Variants in RBFOX3 observed in about 807,000 individuals in gnomAD.
The protein encoded by RBFOX3 is RNA binding protein fox-1 homolog 3.
Under a neutral mutation model 48.7 loss-of-function variants are expected in RBFOX3, and 17 were observed. That is an observed-to-expected ratio of 0.35 (90% confidence interval 0.24 to 0.52). The LOEUF (loss-of-function observed/expected upper bound fraction) is 0.52, where lower values mean the gene tolerates loss of function less well. Ranked by LOEUF, RBFOX3 falls within the 20% of genes least tolerant of loss-of-function variation. RBFOX3 has a pLI of 0.94. For synonymous variants in RBFOX3, 212 were observed against 209.5 expected, an observed-to-expected ratio of 1.01 and a Z score of -0.10; for missense variants, 382 against 497.5, an observed-to-expected ratio of 0.77 and a Z score of 2.21.
At chr17:79,430,628 C>A (rs1309338712) in intron 2 of RBFOX3, among the ~76,000 whole-genome samples, 2 of 152,204 alleles carry the variant, frequency 1.3e-5, no homozygotes, top group African/African-American at 4.8e-5. Flanking sequence ...TCACTGCAAC[C>A]ACCGCCTCCG....
intron 6 of RBFOX3, among the ~76,000 whole-genome samples, chr17:79,105,271 GA>G (rs2077157107): frequency 6.6e-6 from 1 of 152,196 alleles, no homozygotes; most frequent in South Asian, 2.1e-4. Flanking sequence ...GCTGATGGGG[GA>G]CAGTGTCCCC....
At chr17:79,296,304 A>C (rs543836394) in intron 3 of RBFOX3, among the ~76,000 whole-genome samples, 17 of 120,176 alleles carry the variant, frequency 1.4e-4, no homozygotes, top group South Asian at 5.7e-4. Flanking sequence ...ACACACACAC[A>C]CCACACACAC....
intron 2 of RBFOX3, among the ~76,000 whole-genome samples, chr17:79,350,459 A>G (rs1393752989): frequency 6.6e-6 from 1 of 152,150 alleles, no homozygotes; most frequent in African/African-American, 2.4e-5. Context: ...ATTTCATTTC[A>G]TTTCATAGTT....
At chr17:79,428,324 G>A (rs368352430) in intron 2 of RBFOX3, among the ~76,000 whole-genome samples, 8 of 152,146 alleles carry the variant, frequency 5.3e-5, no homozygotes, top group Non-Finnish European at 8.8e-5. Flanking sequence ...GGGGCAGGAC[G>A]GTCTCCTGCA....
chr17:79,403,968 C>A (rs535600317), intron 2 of RBFOX3, among the ~76,000 whole-genome samples: 2 of 152,100 alleles, frequency 1.3e-5, no homozygotes, highest in African/African-American at 4.8e-5. Context: ...TTAGTAGAGA[C>A]GGGGTTTCAC....
chr17:79,503,897 G>T (rs1192136740), intron 1 of RBFOX3, among the ~76,000 whole-genome samples: 1 of 152,206 alleles, frequency 6.6e-6, no homozygotes, highest in Non-Finnish European at 1.5e-5. Context: ...GACCAGGACG[G>T]GGATGCAAAA....
intron 2 of RBFOX3, among the ~76,000 whole-genome samples, chr17:79,463,256 T>G (rs1183909602): frequency 1.6e-5 from 1 of 62,838 alleles, no homozygotes; most frequent in Non-Finnish European, 3.2e-5. Flanking sequence ...CACTGCCACC[T>G]CCACCATCGC....
chr17:79,208,812 CTCTT>C (rs2057916240), intron 4 of RBFOX3, among the ~76,000 whole-genome samples: 1 of 150,640 alleles, frequency 6.6e-6, no homozygotes, highest in African/African-American at 2.4e-5. Context: ...TGCTCTTTCT[CTCTT>C]TCTTTTTTTT....
chr17:79,285,898 G>C (rs1206235253), intron 3 of RBFOX3, among the ~76,000 whole-genome samples: 2 of 152,162 alleles, frequency 1.3e-5, no homozygotes, highest in Non-Finnish European at 2.9e-5. Context: ...GAGCAGGCTG[G>C]TCTTGAACTC....
At chr17:79,184,639 C>G (rs565916185) in intron 4 of RBFOX3, among the ~76,000 whole-genome samples, 2 of 152,366 alleles carry the variant, frequency 1.3e-5, no homozygotes, top group East Asian at 3.9e-4. Flanking sequence ...GAGCCAGTGG[C>G]TCATGCCTAA....
chr17:79,368,498 C>T (rs961253234), intron 2 of RBFOX3, among the ~76,000 whole-genome samples: 9 of 152,246 alleles, frequency 5.9e-5, no homozygotes, highest in African/African-American at 1.4e-4. Flanking sequence ...GGGAGTCAGT[C>T]GTGGGTTCCA....
chr17:79,579,222 C>T (rs1400460445), intron 1 of RBFOX3, among the ~76,000 whole-genome samples: 1 of 152,196 alleles, frequency 6.6e-6, no homozygotes, highest in Non-Finnish European at 1.5e-5. Flanking sequence ...CTCCCTGTCC[C>T]CTGCCCGAGG....
At chr17:79,314,604 G>C (rs765878041) in intron 2 of RBFOX3, among the ~76,000 whole-genome samples, 1 of 151,778 alleles carries the variant, frequency 6.6e-6, no homozygotes, top group African/African-American at 2.4e-5. Flanking sequence ...AAAGAAAATG[G>C]GGCAGGTTTC....
Position 79,214,087 on chromosome 17 carries a change from G to C in RBFOX3, c.-34+21679C>G, listed in dbSNP as rs947665191. ...CCCTCGCATGGCGCCGCCCAGCTCT[G>C]GTAGGAGGGACTGAAATAAATGGAG... On this transcript the variant is annotated intron_variant, in intron 4 of 14. Transcript: ENST00000693108. The surrounding 1 kb of genome is among the most constrained non-coding windows in gnomAD (Gnocchi z 4.7). Among the ~76,000 whole-genome samples, 1 of 152,136 alleles carries C rather than the reference G, an allele frequency of 6.6e-6. No homozygotes were observed. The highest frequency in any genetic ancestry group is 1.5e-5 in the Non-Finnish European group (1 of 68,036).
rs986173588 is a variant in RBFOX3 at position 79,499,858 on chromosome 17, A to G, written c.-319-17260T>C. Among the ~76,000 whole-genome samples, 20 of 152,298 alleles carry G rather than the reference A, an allele frequency of 1.3e-4. 1 individual carries two copies. In the South Asian group the frequency reaches 3.9e-3, roughly 30 times the overall value. ...TGGCCACCCTCCACACCAACAAAAG[A>G]GTATGCATTAATGGGGCTCTCTATT... On this transcript the variant is annotated intron_variant, in intron 1 of 14. Transcript: ENST00000693108.
intron 1 of RBFOX3, among the ~76,000 whole-genome samples, chr17:79,517,661 C>T (rs2085452705): frequency 1.3e-5 from 2 of 152,122 alleles, no homozygotes. Flanking sequence ...AAACCCCACC[C>T]AGCCCACCAC....
chr17:79,265,210 C>T (rs145501971), intron 3 of RBFOX3, among the ~76,000 whole-genome samples: 3 of 152,306 alleles, frequency 2.0e-5, no homozygotes, highest in Non-Finnish European at 4.4e-5. Flanking sequence ...TGGAGGAATG[C>T]TGGAAATGAA....
chr17:79,578,875 G>A (rs913292719), intron 1 of RBFOX3, among the ~76,000 whole-genome samples: 38 of 152,170 alleles, frequency 2.5e-4, no homozygotes, highest in African/African-American at 7.5e-4. Context: ...CTCAGGGCTC[G>A]CTCCATCACC....
chr17:79,385,270 G>A (rs537100076), intron 2 of RBFOX3, among the ~76,000 whole-genome samples: 3 of 152,282 alleles, frequency 2.0e-5, no homozygotes, highest in African/African-American at 7.2e-5. Context: ...TCAAACCAGA[G>A]CACCCAGCAG....
Sources: allele counts gnomAD v4.1 joint callset (sites outside exome capture counted in the v4.1 genomes callset), GRCh38; gene constraint gnomAD v4.1.1; non-coding constraint Gnocchi (gnomAD v3.1); transcripts MANE v1.5; gene names NCBI Gene and HGNC (gene_info 2026-07-23, HGNC 2026-07-21).